CDH17: variants seen among roughly 807,000 people sequenced by gnomAD.
CDH17 encodes the protein cadherin 17, also known as cadherin-17.
In CDH17, 67 loss-of-function variants were observed where a neutral mutation model predicts 86.3. The ratio of observed to expected loss-of-function variants is 0.78; its 90% CI spans 0.64 to 0.95. The LOEUF is 0.95. CDH17 is among the 40% of genes least tolerant of loss of function. The pLI, the probability that CDH17 is intolerant of heterozygous loss-of-function variation, is 0.00. For missense variants in CDH17, 993 were observed against 1,017.6 expected (o/e 0.98, Z 0.33); for synonymous variants, 367 against 366.4 (o/e 1.00, Z -0.02).
chr8:94,162,006 T>G (rs757655639), intron 11 of CDH17, 80 bp downstream of exon 11: 96 of 893,032 alleles, frequency 1.1e-4, no homozygotes, highest in Non-Finnish European at 2.0e-5. Flanking sequence ...TCCTAGCTAC[T>G]GTCTGTGTCT....
chr8:94,139,050 C>T (rs1490023444), intron 15 of CDH17, among the ~76,000 whole-genome samples: 1 of 152,084 alleles, frequency 6.6e-6, no homozygotes, highest in Non-Finnish European at 1.5e-5. Flanking sequence ...AGAAATTATA[C>T]ATATTACATA....
chr8:94,212,782 T>C (rs1340464194), upstream of CDH17, among the ~76,000 whole-genome samples: 2 of 152,242 alleles, frequency 1.3e-5, no homozygotes, highest in Non-Finnish European at 2.9e-5. Context: ...ACTTCATCTA[T>C]AGATGCTGGC....
chr8:94,208,379 G>A (rs1292904114), intron 1 of CDH17, 104 bp downstream of exon 1: 1 of 152,104 alleles, frequency 6.6e-6, no homozygotes, highest in Non-Finnish European at 1.5e-5. Flanking sequence ...CCACCTCAAG[G>A]AACAAATTTG....
intron 15 of CDH17, among the ~76,000 whole-genome samples, chr8:94,140,344 C>T (rs1043006680): frequency 6.6e-6 from 1 of 151,974 alleles, no homozygotes; most frequent in Non-Finnish European, 1.5e-5. Flanking sequence ...GCAGGAGGAT[C>T]GTCTGAGCCC....
chr8:94,160,035 C>G lies in CDH17; in HGVS notation c.1487G>C (p.Ser496Thr). Residue 496 changes from serine (S) to threonine (T), a missense_variant, in exon 12 of 18, where the codon AGT (serine) becomes ACT (threonine). Coordinates refer to ENST00000027335, the MANE Select transcript of CDH17 (RefSeq NM_004063.4). ...TGTGTCAACCCCCAGGCGTCCCTCA[C>G]TGTCTCCCTTTATGATATGATACAG... ...KILYHIIKGDSEGRLGVDTDP... is the reference protein window; with the variant it reads ...KILYHIIKGDTEGRLGVDTDP... 6.2e-7 allele frequency: 1 copy of G among 1,613,902 alleles called. No homozygotes were observed. The highest frequency in any genetic ancestry group is 8.5e-7 in the Non-Finnish European group (1 of 1,179,862).
At chr8:94,186,851 C>G (rs967896051) in intron 3 of CDH17, among the ~76,000 whole-genome samples, 1 of 152,226 alleles carries the variant, frequency 6.6e-6, no homozygotes, top group African/African-American at 2.4e-5. Context: ...TGCTATAGGA[C>G]GAAGGGCTAG....
At chr8:94,186,077 A>G (rs929099753) in intron 3 of CDH17, among the ~76,000 whole-genome samples, 37 of 152,110 alleles carry the variant, frequency 2.4e-4, no homozygotes, top group African/African-American at 7.7e-4. Flanking sequence ...ACAGACAGGT[A>G]TCTATGTCAT....
intron 9 of CDH17, among the ~76,000 whole-genome samples, chr8:94,168,143 T>TATACGTATATATATATATATATATATAC (rs1813199267): frequency 2.0e-5 from 2 of 101,570 alleles, no homozygotes; most frequent in Admixed American, 9.6e-5. Flanking sequence ...TATATATATA[T>TATACGTATATATATATATATATATATAC]ATATATATAT....
rs959191067 is a variant in CDH17 at position 94,173,733 on chromosome 8, G to C, written c.783+64C>G. The C allele has an allele frequency of 7.6e-6, 9 of 1,178,814 alleles. No homozygotes were observed. In the African/African-American group the frequency reaches 1.2e-4, roughly 16 times the overall value. 73.0% of individuals were successfully genotyped at this position (1,178,814 alleles called of 1,614,324 possible). A position where few individuals can be genotyped will look rare whatever the true frequency, so the allele number is the denominator to read the frequency against. ...TGTATCAGTGAAGACTGTGAGGGTG[G>C]GTCTCTACAAAGTGAAGCCATTTAT... On this transcript the variant is annotated intron_variant, in intron 7 of 17. Transcript: ENST00000027335.
chr8:94,134,552 T>A (rs901622461), intron 15 of CDH17, among the ~76,000 whole-genome samples: 1 of 152,212 alleles, frequency 6.6e-6, no homozygotes, highest in Non-Finnish European at 1.5e-5. Context: ...TCTCTTTTCT[T>A]CTTTATTAGT....
intron 4 of CDH17, among the ~76,000 whole-genome samples, chr8:94,177,040 C>G (rs767428396): frequency 1.3e-5 from 2 of 152,210 alleles, no homozygotes; most frequent in Non-Finnish European, 2.9e-5. Flanking sequence ...AAGTACCAGA[C>G]AGAAAGCTTT....
At chr8:94,163,690 C>T (rs1813101846) in intron 10 of CDH17, among the ~76,000 whole-genome samples, 1 of 152,192 alleles carries the variant, frequency 6.6e-6, no homozygotes, top group Admixed American at 6.5e-5. Context: ...ACTAATATTC[C>T]CAGGTAGTTT....
Position 94,162,282 on chromosome 8 carries a change from A to G in CDH17, c.1283-120T>C, listed in dbSNP as rs1450721326. On this transcript the variant is annotated intron_variant, in intron 10 of 17. Transcript: ENST00000027335. ...AGCCATAGCCACAATTTTGCAATTGACATGCAATTTGTGCAGAGAGTGGGC... is the reference window on the plus strand; with the variant it reads ...AGCCATAGCCACAATTTTGCAATTGGCATGCAATTTGTGCAGAGAGTGGGC... 1.3e-5 allele frequency: 9 copies of G among 687,004 alleles called. No homozygotes were observed. The African/African-American group carries it at 1.6e-4, about 12-fold the overall frequency. The allele number at this position is 687,004 out of a possible 1,614,324, so 42.6% of individuals were successfully genotyped here.
chr8:94,215,711 T>C (rs1425422069), intron 1 of CDH17, among the ~76,000 whole-genome samples: 1 of 152,212 alleles, frequency 6.6e-6, no homozygotes, highest in Non-Finnish European at 1.5e-5. Flanking sequence ...GCATATTCAC[T>C]GCAAAATAAT....
chr8:94,178,174 G>A (rs1813410317), intron 3 of CDH17, among the ~76,000 whole-genome samples: 1 of 152,134 alleles, frequency 6.6e-6, no homozygotes, highest in Non-Finnish European at 1.5e-5. Context: ...AATGCTATAT[G>A]ATAATCTATT....
chr8:94,186,515 A>G (rs983361185), intron 3 of CDH17, among the ~76,000 whole-genome samples: 1 of 152,134 alleles, frequency 6.6e-6, no homozygotes, highest in Non-Finnish European at 1.5e-5. Context: ...AGCGTCTTTT[A>G]TAAGGGCACT....
intron 7 of CDH17, among the ~76,000 whole-genome samples, chr8:94,172,483 A>G (rs1267823264): frequency 1.3e-5 from 2 of 152,162 alleles, no homozygotes; most frequent in African/African-American, 4.8e-5. Context: ...CTTCTTCATA[A>G]TAATACCTTT....
chr8:94,208,268 A>G (rs1219269437), intron 1 of CDH17, among the ~76,000 whole-genome samples: 1 of 152,200 alleles, frequency 6.6e-6, no homozygotes, highest in Non-Finnish European at 1.5e-5. Context: ...ATGAATTTAT[A>G]AAATATGGAC....
intron 9 of CDH17, 129 bp downstream of exon 9, chr8:94,170,260 CCCAAGGTA>C: frequency 1.2e-6 from 1 of 868,248 alleles, no homozygotes; most frequent in Non-Finnish European, 1.8e-6. Context: ...TTACGTGACT[CCCAAGGTA>C]CAGTCAACCT....
Sources: allele counts gnomAD v4.1 joint callset (sites outside exome capture counted in the v4.1 genomes callset), GRCh38; gene constraint gnomAD v4.1.1; transcripts MANE v1.5; gene names NCBI Gene and HGNC (gene_info 2026-07-23, HGNC 2026-07-21).